Variants in TM4SF20 observed in about 807,000 individuals in gnomAD.
The protein encoded by TM4SF20 is transmembrane 4 L6 family member 20.
A neutral mutation model predicts 15.1 loss-of-function variants in TM4SF20; 13 were observed. The ratio of observed to expected loss-of-function variants is 0.86; its 90% CI spans 0.56 to 1.36. The LOEUF (loss-of-function observed/expected upper bound fraction) is 1.36, where lower values mean the gene tolerates loss of function less well. TM4SF20 is among the 40% of genes most tolerant of loss of function. The probability of loss-of-function intolerance (pLI) is 0.00; values close to 1 mark genes in which losing one functional copy is unlikely to be tolerated. For synonymous variants in TM4SF20, 92 were observed against 96.6 expected (o/e 0.95, Z 0.28); for missense variants, 282 against 268.4 (o/e 1.05, Z -0.35).
intron 3 of TM4SF20, among the ~76,000 whole-genome samples, chr2:227,365,258 G>A (rs1429531100): frequency 6.6e-6 from 1 of 152,220 alleles, no homozygotes; most frequent in Admixed American, 6.5e-5. Flanking sequence ...AAATTTGAGG[G>A]ACTTTCTTTT....
At chr2:227,367,176 G>C (rs1331552442) in intron 2 of TM4SF20, among the ~76,000 whole-genome samples, 1 of 152,084 alleles carries the variant, frequency 6.6e-6, no homozygotes, top group Non-Finnish European at 1.5e-5. Flanking sequence ...CCTCCAGCCC[G>C]GTTCTGACAA....
chr2:227,376,356 G>A (rs2076450523), intron 1 of TM4SF20, among the ~76,000 whole-genome samples: 1 of 144,816 alleles, frequency 6.9e-6, no homozygotes, highest in African/African-American at 2.4e-5. Flanking sequence ...ATATTATAAA[G>A]GACATATTAA....
chr2:227,363,985 C>A lies in TM4SF20; in HGVS notation c.429G>T (p.Leu143Phe), dbSNP rs746938762. 6.2e-7 allele frequency: 1 copy of A among 1,613,046 alleles called. No homozygotes were observed. The highest frequency in any genetic ancestry group is 8.5e-7 in the Non-Finnish European group (1 of 1,179,536). ...CACAAGAGTCATTGAAAAACCACTGCAAGTTGAAGGATTCTGGATGAATGT... is the reference window on the plus strand; with the variant it reads ...CACAAGAGTCATTGAAAAACCACTGAAAGTTGAAGGATTCTGGATGAATGT... ...ISDIHPESFN[L>F]QWFFNDSCAP... Residue 143 changes from leucine to phenylalanine, a missense_variant, in exon 4 of 4, where the codon TTG (leucine) becomes TTT (phenylalanine). Leu to Phe is a conservative substitution (Grantham distance 22, BLOSUM62 0). Transcript: ENST00000304568.
intron 1 of TM4SF20, among the ~76,000 whole-genome samples, chr2:227,376,058 A>G (rs566504329): frequency 1.8e-3 from 273 of 152,362 alleles, no homozygotes; most frequent in Non-Finnish European, 3.0e-3. Flanking sequence ...ATAGTTTTAG[A>G]AGATGAAAAG....
chr2:227,375,696 A>G (rs147542083), intron 1 of TM4SF20, among the ~76,000 whole-genome samples: 2,488 of 152,144 alleles, frequency 0.016, 54 homozygotes, highest in African/African-American at 0.056. Flanking sequence ...TCACCGTGTT[A>G]GCCAGGACGG....
chr2:227,376,352 T>G (rs1170893845), intron 1 of TM4SF20, among the ~76,000 whole-genome samples: 1 of 145,832 alleles, frequency 6.9e-6, no homozygotes, highest in Admixed American at 6.9e-5. Context: ...ATGGATATTA[T>G]AAAGGACATA....
At chr2:227,373,620 C>CA (rs2076431614) in intron 1 of TM4SF20, among the ~76,000 whole-genome samples, 1 of 152,010 alleles carries the variant, frequency 6.6e-6, no homozygotes, top group Admixed American at 6.6e-5. Context: ...CTTTTGTGCA[C>CA]CAAGAGTAGA....
chr2:227,362,162 A>G lies in TM4SF20; in HGVS notation c.*1562T>C, dbSNP rs1215924963. The G allele has an allele frequency of 6.6e-6, 1 of 152,168 alleles. No individual in the cohort carries two copies. The highest frequency in any genetic ancestry group is 2.4e-5 in the African/African-American group (1 of 41,442). The allele number at this position is 152,168 out of a possible 1,614,324, so 9.4% of individuals were successfully genotyped here. On this transcript the variant is annotated 3_prime_UTR_variant, in exon 4 of 4. Transcript: ENST00000304568. ...AGAAATAACATTCAGAAAATTTTAG[A>G]TTTTTAGCTTTGCTGTTTTACAACA...
chr2:227,372,673 T>G lies in TM4SF20; in HGVS notation c.184-1693A>C, dbSNP rs115100365. ...AAACAACAACAACAAAAAAAGCTAG[T>G]CATTTGGGGTGCAGAGCCCACATAG... On this transcript the variant is annotated intron_variant, in intron 1 of 3. Transcript: ENST00000304568. 3.5e-3 allele frequency among the ~76,000 whole-genome samples: 527 copies of G among 152,116 alleles called. 2 individuals are homozygous for G. The highest frequency in any genetic ancestry group is 5.9e-3 in the Non-Finnish European group (403 of 67,976).
At chr2:227,368,019 ATTTTTTTTTTTT>A (rs1226126996) in intron 2 of TM4SF20, among the ~76,000 whole-genome samples, 3 of 120,562 alleles carry the variant, frequency 2.5e-5, no homozygotes, top group Non-Finnish European at 4.9e-5. Flanking sequence ...TTAACCATCT[ATTTTTTTTTTTT>A]TTTTTTTTTG....
chr2:227,370,595 T>C (rs1323959253), intron 2 of TM4SF20, among the ~76,000 whole-genome samples: 1 of 151,988 alleles, frequency 6.6e-6, no homozygotes, highest in Non-Finnish European at 1.5e-5. Flanking sequence ...CCATCTCTAC[T>C]AAAAATACAA....
At chr2:227,370,330 T>C (rs966015468) in intron 2 of TM4SF20, among the ~76,000 whole-genome samples, 17 of 152,170 alleles carry the variant, frequency 1.1e-4, no homozygotes, top group Non-Finnish European at 2.2e-4. Flanking sequence ...CCAATCTCCT[T>C]TCTTTGAAAA....
upstream of TM4SF20, among the ~76,000 whole-genome samples, chr2:227,380,698 T>TC (rs1451301307): frequency 6.6e-6 from 1 of 152,156 alleles, no homozygotes; most frequent in Non-Finnish European, 1.5e-5. Flanking sequence ...TTCTGTGTAA[T>TC]CCCCCGCTCA....
chr2:227,366,891 C>T (rs1406415989), intron 2 of TM4SF20, among the ~76,000 whole-genome samples: 2 of 151,992 alleles, frequency 1.3e-5, no homozygotes, highest in Non-Finnish European at 2.9e-5. Context: ...TTGACTGGAT[C>T]TTAACTACGT....
Position 227,379,093 on chromosome 2 carries a change from C to T in TM4SF20, c.176G>A (p.Gly59Asp), listed in dbSNP as rs770508976. Residue 59 changes from glycine (G) to aspartate (D), a missense_variant, in exon 1 of 4, where the codon GGT becomes GAT. Gly to Asp is a moderately conservative substitution (Grantham distance 94). Transcript: ENST00000304568. ...EWWFPGIIGA[G>D]LMAIPATTMS... ...CAAATAAATATCACTCACCATCAGA[C>T]CTGCTCCTATAATTCCTGGGAACCA... 3.1e-6 allele frequency: 5 copies of T among 1,614,030 alleles called. No individual in the cohort carries two copies. The highest frequency in any genetic ancestry group is 4.2e-6 in the Non-Finnish European group (5 of 1,179,968).
At chr2:227,373,745 A>G (rs530605460) in intron 1 of TM4SF20, among the ~76,000 whole-genome samples, 92 of 152,174 alleles carry the variant, frequency 6.0e-4, no homozygotes, top group South Asian at 3.5e-3. Flanking sequence ...CCTGGCCAAC[A>G]TGGTGAAACC....
At chr2:227,369,140 T>G (rs2076408152) in intron 2 of TM4SF20, among the ~76,000 whole-genome samples, 1 of 152,210 alleles carries the variant, frequency 6.6e-6, no homozygotes, top group Non-Finnish European at 1.5e-5. Flanking sequence ...AAATTAGTGT[T>G]TATTGAATAC....
intron 1 of TM4SF20, among the ~76,000 whole-genome samples, chr2:227,372,834 C>T (rs529735487): frequency 6.6e-6 from 1 of 152,144 alleles, no homozygotes; most frequent in East Asian, 1.9e-4. Context: ...CCTCCCGAGT[C>T]GTTGGGACTA....
chr2:227,378,721 G>A (rs929080429), intron 1 of TM4SF20, among the ~76,000 whole-genome samples: 3 of 152,136 alleles, frequency 2.0e-5, no homozygotes, highest in African/African-American at 7.2e-5. Flanking sequence ...TGCATTTTCT[G>A]TAAATACTTA....
Sources: allele counts gnomAD v4.1 joint callset (sites outside exome capture counted in the v4.1 genomes callset), GRCh38; gene constraint gnomAD v4.1.1; transcripts MANE v1.5; gene names NCBI Gene and HGNC (gene_info 2026-07-23, HGNC 2026-07-21).